SCOC: variants seen among roughly 807,000 people sequenced by gnomAD.
SCOC encodes the protein short coiled-coil protein.
A neutral mutation model predicts 9.9 loss-of-function variants in SCOC; 7 were observed. The observed-to-expected ratio is 0.71, with a 90% confidence interval of 0.40 to 1.33. The LOEUF (loss-of-function observed/expected upper bound fraction) is 1.33. Ranked by LOEUF, SCOC falls within the 40% of genes most tolerant of loss-of-function variation. The pLI, the probability that SCOC is intolerant of heterozygous loss-of-function variation, is 0.01. For synonymous variants in SCOC, 19 were observed against 28.2 expected, an observed-to-expected ratio of 0.67 and a Z score of 1.03; for missense variants, 66 against 89.7, an observed-to-expected ratio of 0.74 and a Z score of 1.07.
intron 1 of SCOC, among the ~76,000 whole-genome samples, chr4:140,378,312 TC>T (rs961538356): frequency 6.6e-6 from 1 of 152,128 alleles, no homozygotes; most frequent in African/African-American, 2.4e-5. Flanking sequence ...TTTATCTTCA[TC>T]CATACCGTCA....
At chr4:140,373,514 G>T (rs1323882972), upstream of SCOC, 1 of 1,551,652 alleles carries the variant, frequency 6.4e-7, no homozygotes, top group Admixed American at 2.0e-5. Flanking sequence ...GAGATTGGAC[G>T]ACTGGGGTGA....
chr4:140,282,211 G>A lies in SCOC; in HGVS notation c.-19+24801G>A, dbSNP rs73855712. On this transcript the variant is annotated intron_variant, in intron 1 of 4. Coordinates refer to the SCOC transcript ENST00000394205. ...TTCATAGAGTCCATGGTTCAGAAGAGTTCTGGGGAAATCATTTAAATTCAT... is the reference window on the plus strand; with the variant it reads ...TTCATAGAGTCCATGGTTCAGAAGAATTCTGGGGAAATCATTTAAATTCAT... Among the ~76,000 whole-genome samples the A allele has an allele frequency of 5.9e-3, 900 of 152,308 alleles. 7 individuals carry two copies. Among genetic ancestry groups the A allele is most frequent in the African/African-American group, 0.02 (842 of 41,560 alleles).
At chr4:140,263,965 C>A (rs1730683171) in intron 1 of SCOC, among the ~76,000 whole-genome samples, 1 of 152,138 alleles carries the variant, frequency 6.6e-6, no homozygotes. Context: ...TGAAAAGTCT[C>A]ACAAATGAAG....
At chr4:140,330,350 A>G (rs1732781221) in intron 1 of SCOC, among the ~76,000 whole-genome samples, 1 of 152,190 alleles carries the variant, frequency 6.6e-6, no homozygotes, top group East Asian at 1.9e-4. Context: ...GTGCACCAAA[A>G]TCTCAGAAAT....
intron 1 of SCOC, among the ~76,000 whole-genome samples, chr4:140,274,236 T>C (rs911677813): frequency 2.6e-4 from 39 of 152,356 alleles, no homozygotes; most frequent in African/African-American, 8.9e-4. Flanking sequence ...CAGGTAGAAT[T>C]AGAAATAGAC....
chr4:140,292,189 GTTT>G (rs5862468), intron 1 of SCOC, among the ~76,000 whole-genome samples: 2 of 135,412 alleles, frequency 1.5e-5, no homozygotes, highest in Non-Finnish European at 3.2e-5. Context: ...TACTCTTCTG[GTTT>G]TTTTTTTTTT....
At chr4:140,362,314 T>TCTTCTTCTTCTTCTTCTTCCTCC (rs1727596376) in intron 2 of SCOC, among the ~76,000 whole-genome samples, 1 of 9,736 alleles carries the variant, frequency 1.0e-4, no homozygotes, top group Non-Finnish European at 2.4e-4. Context: ...TTTTTTTTTT[T>TCTTCTTCTTCTTCTTCTTCCTCC]TGTGAGAGTC....
intron 1 of SCOC, among the ~76,000 whole-genome samples, chr4:140,304,022 C>T (rs148078685): frequency 6.6e-4 from 101 of 152,320 alleles, no homozygotes; most frequent in African/African-American, 2.3e-3. Context: ...ATACCCTAAA[C>T]GGAGTTCATT....
intron 1 of SCOC, among the ~76,000 whole-genome samples, chr4:140,272,134 G>A (rs1170439850): frequency 1.3e-5 from 2 of 150,184 alleles, no homozygotes; most frequent in Non-Finnish European, 2.9e-5. Flanking sequence ...ATGGCTCACT[G>A]CAGGCTTGAC....
chr4:140,276,128 G>A (rs1254917563), intron 1 of SCOC, among the ~76,000 whole-genome samples: 1 of 151,958 alleles, frequency 6.6e-6, no homozygotes, highest in African/African-American at 2.4e-5. Flanking sequence ...TCAGCCTCCT[G>A]AGTAGCTGGG....
Position 140,381,055 on chromosome 4 carries a change from C to A in SCOC, c.200C>A (p.Ser67Ter). Reference sequence around the variant, plus strand: ...GGACAATATATAGAAAATCTCATGTCAGCTTCTAGTGTTTTTCAAACAACT... The same window carrying A: ...GGACAATATATAGAAAATCTCATGTAAGCTTCTAGTGTTTTTCAAACAACT... ...VLGQYIENLMSASSVFQTTDT... is the reference protein window; with the variant it reads ...VLGQYIENLM The change falls in exon 4 of 4, where the codon TCA (serine) becomes TAA (stop). Residue 67 changes from serine (S) to a stop codon, truncating the protein, a stop_gained. Transcript: ENST00000608372. LOFTEE classifies it high-confidence loss of function. 6.2e-7 allele frequency: 1 copy of A among 1,603,844 alleles called. No homozygotes were observed. The highest frequency in any genetic ancestry group is 1.1e-5 in the South Asian group (1 of 88,788).
intron 2 of SCOC, among the ~76,000 whole-genome samples, chr4:140,355,269 A>T (rs1277488828): frequency 6.8e-6 from 1 of 147,440 alleles, no homozygotes; most frequent in Non-Finnish European, 1.5e-5. Flanking sequence ...AAACAATGTT[A>T]TAGAACAATG....
rs1329482328 is a variant in SCOC at position 140,382,383 on chromosome 4, A to T, written c.*1279A>T. The T allele has an allele frequency of 6.6e-6, 1 of 152,616 alleles. No individual in the cohort carries two copies. Among genetic ancestry groups the T allele is most frequent in the South Asian group, 2.1e-4 (1 of 4,832 alleles). The allele number at this position is 152,616 out of a possible 1,614,324, so 9.5% of individuals were successfully genotyped here. A position where few individuals can be genotyped will look rare whatever the true frequency, so the allele number is the denominator to read the frequency against. On this transcript the variant is annotated 3_prime_UTR_variant, in exon 4 of 4. Transcript: ENST00000608372. ...TAAGGTTATTAGATTTGGGCTTTTA[A>T]TCATGGAATAATCTTATGTATTGGT...
chr4:140,323,234 C>T (rs1473836567), intron 1 of SCOC, among the ~76,000 whole-genome samples: 1 of 152,046 alleles, frequency 6.6e-6, no homozygotes, highest in East Asian at 1.9e-4. Context: ...AGGAGCCTGG[C>T]ATTTCCTCCT....
intron 2 of SCOC, among the ~76,000 whole-genome samples, chr4:140,355,211 T>TTTTATATATATA (rs1727159352): frequency 1.6e-5 from 1 of 61,424 alleles, no homozygotes; most frequent in Non-Finnish European, 4.1e-5. Flanking sequence ...CATTATATTT[T>TTTTATATATATA]TATATATATA....
rs4362897 is a variant in SCOC at position 140,383,512 on chromosome 4, T to C, written c.*2408T>C. The C allele has an allele frequency of 0.6, 90,849 of 152,104 alleles. 28,275 individuals carry two copies. Among genetic ancestry groups the C allele is most frequent in the Non-Finnish European group, 0.71 (48,075 of 68,000 alleles). 9.4% of individuals were successfully genotyped at this position (152,104 alleles called of 1,614,324 possible). ...AATGCTCCTGGGAGATGTATGAAGA[T>C]TTTGTCCCTAGCAGTGGAGAAGTTC... On this transcript the variant is annotated 3_prime_UTR_variant, in exon 4 of 4. Coordinates refer to ENST00000608372, the MANE Select transcript of SCOC (RefSeq NM_001153484.2).
At chr4:140,350,331 C>G (rs968902358) in intron 2 of SCOC, among the ~76,000 whole-genome samples, 1 of 152,182 alleles carries the variant, frequency 6.6e-6, no homozygotes, top group Non-Finnish European at 1.5e-5. Context: ...TATCTGTATT[C>G]CCAGCATCCA....
chr4:140,379,259 G>A (rs1490562671), intron 2 of SCOC, 67 bp downstream of exon 2: 20 of 1,025,940 alleles, frequency 1.9e-5, no homozygotes, highest in Non-Finnish European at 2.8e-5. Flanking sequence ...ATTAAGCAAT[G>A]GAAAGGGCAG....
At chr4:140,375,379 C>T (rs1728300735) in intron 1 of SCOC, among the ~76,000 whole-genome samples, 1 of 152,142 alleles carries the variant, frequency 6.6e-6, no homozygotes, top group Non-Finnish European at 1.5e-5. Context: ...GAGATACGTA[C>T]GGTTATTATC....
Sources: allele counts gnomAD v4.1 joint callset (sites outside exome capture counted in the v4.1 genomes callset), GRCh38; gene constraint gnomAD v4.1.1; transcripts MANE v1.5; gene names NCBI Gene and HGNC (gene_info 2026-07-23, HGNC 2026-07-21).